The following GRIK2 variants were observed in gnomAD, a reference collection of about 807,000 sequenced individuals.
GRIK2 encodes the protein glutamate ionotropic receptor kainate type subunit 2.
A neutral mutation model predicts 100.3 loss-of-function variants in GRIK2; 32 were observed. The observed-to-expected ratio is 0.32, with a 90% CI of 0.24 to 0.43. GRIK2 has a LOEUF of 0.43. GRIK2 is among the 20% of genes least tolerant of loss of function. The pLI is 1.00. For missense variants in GRIK2, 843 were observed against 1,114.9 expected (o/e 0.76, Z 3.47); for synonymous variants, 417 against 389.4 (o/e 1.07, Z -0.83).
At chr6:102,044,357 C>T (rs577240750) in intron 15 of GRIK2, among the ~76,000 whole-genome samples, 1 of 151,914 alleles carries the variant, frequency 6.6e-6, no homozygotes, top group Non-Finnish European at 1.5e-5. Flanking sequence ...TTTTACCTAT[C>T]TTAAGATTCC....
chr6:101,510,705 G>A (rs745747334), intron 2 of GRIK2, among the ~76,000 whole-genome samples: 2 of 151,288 alleles, frequency 1.3e-5, no homozygotes, highest in Non-Finnish European at 2.9e-5. Context: ...TGTACTTTTA[G>A]TAGAGACGGG....
intron 14 of GRIK2, among the ~76,000 whole-genome samples, chr6:101,937,673 C>G (rs1389948729): frequency 6.6e-6 from 1 of 151,796 alleles, no homozygotes; most frequent in Admixed American, 6.6e-5. Context: ...ATTTTTAAAA[C>G]AAACATACAA....
chr6:101,497,132 G>C (rs981267590), intron 2 of GRIK2, among the ~76,000 whole-genome samples: 2 of 151,826 alleles, frequency 1.3e-5, no homozygotes. Flanking sequence ...CCAATAATCT[G>C]CTTCATTAAG....
At chr6:101,952,365 T>A (rs952965355) in intron 14 of GRIK2, among the ~76,000 whole-genome samples, 2 of 152,204 alleles carry the variant, frequency 1.3e-5, no homozygotes, top group Non-Finnish European at 1.5e-5. Flanking sequence ...TTTTGGCTAT[T>A]TTGAGCAAAG....
chr6:101,733,735 A>G (rs368291589), intron 7 of GRIK2, among the ~76,000 whole-genome samples: 6 of 73,174 alleles, frequency 8.2e-5, no homozygotes, highest in African/African-American at 3.0e-4. Flanking sequence ...TTTTTTTTGT[A>G]TTTTATTATA....
chr6:101,934,951 G>T (rs1362955812), intron 14 of GRIK2, among the ~76,000 whole-genome samples: 1 of 151,904 alleles, frequency 6.6e-6, no homozygotes, highest in East Asian at 1.9e-4. Flanking sequence ...ATATTATCTA[G>T]AACTTTTTTG....
intron 11 of GRIK2, among the ~76,000 whole-genome samples, chr6:101,885,405 T>A (rs759076452): frequency 5.3e-5 from 8 of 152,104 alleles, no homozygotes; most frequent in Non-Finnish European, 8.8e-5. Context: ...AGAAAAATAG[T>A]GGGAAATGAG....
intron 2 of GRIK2, among the ~76,000 whole-genome samples, chr6:101,621,674 A>G (rs1780166532): frequency 6.6e-6 from 1 of 152,102 alleles, no homozygotes; most frequent in Non-Finnish European, 1.5e-5. Context: ...AGTCCAAATC[A>G]TATTTGTATC....
Position 101,889,719 on chromosome 6 carries a change from C to A in GRIK2, c.1604C>A (p.Thr535Lys). The A allele has an allele frequency of 6.2e-7, 1 of 1,611,334 alleles. No individual in the cohort carries two copies. The highest frequency in any genetic ancestry group is 8.5e-7 in the Non-Finnish European group (1 of 1,178,604). Reference protein sequence around the residue: ...KVIDFSKPFMTLGISILYRKP... With the variant: ...KVIDFSKPFMKLGISILYRKP... ...ATCGACTTTTCCAAGCCCTTTATGACACTTGGAATAAGTATTTTGTACCGC... is the reference window on the plus strand; with the variant it reads ...ATCGACTTTTCCAAGCCCTTTATGAAACTTGGAATAAGTATTTTGTACCGC... The change falls in exon 12 of 17, where the codon ACA (threonine) becomes AAA (lysine). Residue 535 changes from threonine (T) to lysine (K), a missense_variant. Physicochemically the swap from Thr to Lys is moderately conservative, Grantham distance 78 (BLOSUM62 -1). Coordinates refer to ENST00000369134, the MANE Select transcript of GRIK2 (RefSeq NM_021956.5).
intron 7 of GRIK2, among the ~76,000 whole-genome samples, chr6:101,746,713 T>C (rs1043534857): frequency 2.0e-5 from 3 of 152,204 alleles, no homozygotes; most frequent in Non-Finnish European, 2.9e-5. Context: ...TATTAAGATA[T>C]ACATTTTCAC....
At chr6:101,467,575 C>T (rs1474103007) in intron 2 of GRIK2, among the ~76,000 whole-genome samples, 3 of 152,086 alleles carry the variant, frequency 2.0e-5, no homozygotes, top group Non-Finnish European at 2.9e-5. Flanking sequence ...ACCCAGAGCT[C>T]GACCTTCCAT....
At chr6:102,021,753 G>T (rs1769433425) in intron 14 of GRIK2, among the ~76,000 whole-genome samples, 1 of 151,200 alleles carries the variant, frequency 6.6e-6, no homozygotes, top group African/African-American at 2.4e-5. Context: ...AGTCACAGCT[G>T]AGCTACCCTG....
chr6:101,418,516 C>T (rs1280979613), intron 2 of GRIK2, among the ~76,000 whole-genome samples: 5 of 152,134 alleles, frequency 3.3e-5, no homozygotes, highest in South Asian at 4.1e-4. Flanking sequence ...ATGTTGCAAA[C>T]GATTGTCTTT....
intron 12 of GRIK2, among the ~76,000 whole-genome samples, chr6:101,905,934 T>C (rs1376887247): frequency 2.0e-5 from 3 of 151,614 alleles, no homozygotes; most frequent in African/African-American, 7.3e-5. Context: ...GAATAAATAT[T>C]CTGGATAATA....
At chr6:101,943,815 C>T (rs538349095) in intron 14 of GRIK2, among the ~76,000 whole-genome samples, 17 of 152,156 alleles carry the variant, frequency 1.1e-4, no homozygotes, top group Non-Finnish European at 2.5e-4. Context: ...AGATACTTAT[C>T]TTGTCTCAGA....
At chr6:101,627,243 G>T (rs1780508711) in intron 4 of GRIK2, among the ~76,000 whole-genome samples, 1 of 151,950 alleles carries the variant, frequency 6.6e-6, no homozygotes, top group Non-Finnish European at 1.5e-5. Flanking sequence ...CCAGGTTCAA[G>T]CGATTCTCCT....
At chr6:101,861,602 A>T (rs2128444125) in intron 11 of GRIK2, among the ~76,000 whole-genome samples, 1 of 152,278 alleles carries the variant, frequency 6.6e-6, no homozygotes. Flanking sequence ...GAAAAACAAA[A>T]CAAATAATAT....
At chr6:101,595,688 G>GTATATATATA (rs141047474) in intron 2 of GRIK2, among the ~76,000 whole-genome samples, 1 of 130,844 alleles carries the variant, frequency 7.6e-6, no homozygotes, top group African/African-American at 2.9e-5. Context: ...ATTTGTGCAT[G>GTATATATATA]TATATATATA....
chr6:102,005,169 T>A (rs1795146306), intron 14 of GRIK2, among the ~76,000 whole-genome samples: 1 of 151,294 alleles, frequency 6.6e-6, no homozygotes, highest in Admixed American at 6.6e-5. Flanking sequence ...TATATAAGTA[T>A]ATATACACAA....
Sources: gnomAD v4.1 joint callset for allele counts (sites outside exome capture counted in the v4.1 genomes callset) on GRCh38, gnomAD v4.1.1 for gene constraint, MANE v1.5 for transcripts, NCBI Gene and HGNC (gene_info 2026-07-23, HGNC 2026-07-21) for gene names.